The following TET1 variants were observed in gnomAD, a reference collection of about 807,000 sequenced individuals.
The protein encoded by TET1 is tet methylcytosine dioxygenase 1.
Under a neutral mutation model 148.7 loss-of-function variants are expected in TET1, and 13 were observed. The observed-to-expected ratio is 0.09, with a 90% CI of 0.06 to 0.14. TET1 has a LOEUF of 0.14. Among genes scored for constraint, TET1 ranks in the 10% least tolerant of loss-of-function variants. The probability of loss-of-function intolerance (pLI) is 1.00; values close to 1 mark genes in which losing one functional copy is unlikely to be tolerated. For missense variants in TET1, 2,182 were observed against 2,553.8 expected, an observed-to-expected ratio of 0.85 and a Z score of 3.14; for synonymous variants, 907 against 937.2, an observed-to-expected ratio of 0.97 and a Z score of 0.59.
intron 6 of TET1, among the ~76,000 whole-genome samples, chr10:68,658,914 C>T (rs1167247854): frequency 6.6e-6 from 1 of 152,058 alleles, no homozygotes; most frequent in Non-Finnish European, 1.5e-5. Flanking sequence ...AGCTGGATGT[C>T]GTGAGTAAAT....
Position 68,574,775 on chromosome 10 carries a change from A to G in TET1, c.1914+523A>G, listed in dbSNP as rs539141056. Among the ~76,000 whole-genome samples, 5 of 152,320 alleles carry G rather than the reference A, an allele frequency of 3.3e-5. No homozygotes were observed. In the South Asian group the frequency reaches 1.0e-3, roughly 32 times the overall value. On this transcript the variant is annotated intron_variant, in intron 2 of 11. Coordinates refer to ENST00000373644, the MANE Select transcript of TET1 (RefSeq NM_030625.3). ...TAGCAATAATACAGCTTTTGTCTCA[A>G]CTTTTGGTGAGTGATTTCTACCTGC...
chr10:68,606,365 TCAAA>T (rs749184978), intron 3 of TET1, among the ~76,000 whole-genome samples: 7 of 152,162 alleles, frequency 4.6e-5, no homozygotes, highest in Non-Finnish European at 5.9e-5. Context: ...AGACTCCCTC[TCAAA>T]CAAACAAACA....
In TET1 at chr10:68,686,843, AC is replaced by A; in HGVS notation, c.5404+137del. On this transcript the variant is annotated intron_variant, in intron 11 of 11. Coordinates refer to ENST00000373644, the MANE Select transcript of TET1 (RefSeq NM_030625.3). ...TTACATATACCAGAACCAAAAGTCAACAAAAAAGTGACCCATCAGTATTTCT... is the reference window on the plus strand; with the variant it reads ...TTACATATACCAGAACCAAAAGTCAAAAAAAAGTGACCCATCAGTATTTCT... 2 of 805,692 alleles carry A rather than the reference AC, an allele frequency of 2.5e-6. 1 individual carries two copies. The highest frequency in any genetic ancestry group is 4.3e-5 in the South Asian group (2 of 46,438). The allele number at this position is 805,692 out of a possible 1,614,324, so 49.9% of individuals were successfully genotyped here.
chr10:68,592,738 C>A (rs367686957), intron 2 of TET1, among the ~76,000 whole-genome samples: 1 of 152,302 alleles, frequency 6.6e-6, no homozygotes, highest in East Asian at 1.9e-4. Flanking sequence ...CTCCTACCTG[C>A]CAACCCTTGG....
intron 3 of TET1, among the ~76,000 whole-genome samples, chr10:68,601,248 A>T (rs970804489): frequency 2.0e-5 from 3 of 152,110 alleles, no homozygotes; most frequent in African/African-American, 7.2e-5. Context: ...ACTCCACTCA[A>T]GTCTACAGAA....
At chr10:68,591,670 AG>A (rs2053920226) in intron 2 of TET1, among the ~76,000 whole-genome samples, 1 of 152,168 alleles carries the variant, frequency 6.6e-6, no homozygotes, top group Admixed American at 6.6e-5. Context: ...TGGATGACCG[AG>A]GTGGGTGGAT....
chr10:68,614,738 T>A (rs1004747983), intron 3 of TET1, among the ~76,000 whole-genome samples: 7 of 151,862 alleles, frequency 4.6e-5, no homozygotes, highest in Non-Finnish European at 1.0e-4. Context: ...GGATTACAGG[T>A]GTATGCCATC....
At chr10:68,592,698 C>G (rs2053933079) in intron 2 of TET1, among the ~76,000 whole-genome samples, 1 of 152,116 alleles carries the variant, frequency 6.6e-6, no homozygotes, top group South Asian at 2.1e-4. Context: ...GGGGCACACT[C>G]CTTTCTTCTC....
In TET1 at chr10:68,691,004, A is replaced by T. The variant is rs2055583292; in HGVS notation, c.5601A>T (p.Thr1867=). 2 of 1,614,190 alleles carry T rather than the reference A, an allele frequency of 1.2e-6. No homozygotes were observed. Among genetic ancestry groups the T allele is most frequent in the Non-Finnish European group, 1.7e-6 (2 of 1,180,022 alleles). ...CAGCTCCACTGAAGAATGACGCAAC[A>T]GCCTCATGCGGGTTTTCAGAAAGAA... ...ATPAPLKNDA[T]ASCGFSERSS... is the part of the protein sequence containing the mutation. Residue 1867 remains threonine (T), a synonymous_variant, in exon 12 of 12, where the codon ACA becomes ACT. Transcript: ENST00000373644. This position sits in a 1 kb window ranked among gnomAD's most constrained non-coding sequence, Gnocchi z 4.4.
At chr10:68,584,049 T>A (rs978209384) in intron 2 of TET1, among the ~76,000 whole-genome samples, 4 of 152,016 alleles carry the variant, frequency 2.6e-5, no homozygotes, top group East Asian at 1.9e-4. Context: ...TTTTTTTTTT[T>A]TAATTTTTTT....
At chr10:68,637,149 C>T (rs2054665003) in intron 3 of TET1, among the ~76,000 whole-genome samples, 1 of 151,964 alleles carries the variant, frequency 6.6e-6, no homozygotes, top group Non-Finnish European at 1.5e-5. Flanking sequence ...CAGGCACGTG[C>T]CACCATGTTC....
At chr10:68,684,639 C>G (rs997423204) in intron 10 of TET1, among the ~76,000 whole-genome samples, 24 of 152,202 alleles carry the variant, frequency 1.6e-4, no homozygotes, top group African/African-American at 5.1e-4. Flanking sequence ...GGATTACTCA[C>G]TCAATGAGGG....
At chr10:68,597,101 T>C (rs898123537) in intron 2 of TET1, among the ~76,000 whole-genome samples, 2 of 147,356 alleles carry the variant, frequency 1.4e-5, no homozygotes, top group African/African-American at 5.1e-5. Context: ...TGGCACGATC[T>C]CGGCTCACTG....
intron 8 of TET1, 136 bp downstream of exon 8, chr10:68,673,181 T>TTA: frequency 1.9e-6 from 1 of 536,250 alleles, no homozygotes; most frequent in Non-Finnish European, 2.9e-6. Context: ...AAATTATATT[T>TTA]CTATTATATA....
At chr10:68,654,566 T>C (rs574658610) in intron 6 of TET1, among the ~76,000 whole-genome samples, 1 of 151,808 alleles carries the variant, frequency 6.6e-6, no homozygotes, top group African/African-American at 2.4e-5. Flanking sequence ...GCAGTGGGCC[T>C]AGATCGTGCC....
intron 8 of TET1, among the ~76,000 whole-genome samples, chr10:68,675,974 G>A (rs1589129725): frequency 1.3e-5 from 2 of 151,846 alleles, no homozygotes; most frequent in Non-Finnish European, 2.9e-5. Flanking sequence ...ACCTATCCCA[G>A]CCTCCTGAGT....
chr10:68,683,048 T>C (rs1484334768), intron 10 of TET1, 75 bp downstream of exon 10: 1 of 1,493,592 alleles, frequency 6.7e-7, no homozygotes, highest in Non-Finnish European at 9.1e-7. Flanking sequence ...ACGTATACTG[T>C]GATGACTATT....
intron 2 of TET1, among the ~76,000 whole-genome samples, chr10:68,584,944 C>T (rs919971892): frequency 2.0e-5 from 3 of 151,862 alleles, no homozygotes; most frequent in African/African-American, 7.3e-5. Context: ...CCTCAGCCTC[C>T]AGAATAGCTG....
chr10:68,608,626 C>T (rs1192011239), intron 3 of TET1, among the ~76,000 whole-genome samples: 9 of 152,122 alleles, frequency 5.9e-5, no homozygotes, highest in East Asian at 1.9e-4. Context: ...CCTCCACCTC[C>T]GGGGTTCAAG....
Sources: gnomAD v4.1 joint callset for allele counts (sites outside exome capture counted in the v4.1 genomes callset) on GRCh38, gnomAD v4.1.1 for gene constraint, Gnocchi (gnomAD v3.1) non-coding constraint, MANE v1.5 for transcripts, NCBI Gene and HGNC (gene_info 2026-07-23, HGNC 2026-07-21) for gene names.